The following SEMA6D variants were observed in gnomAD, a reference collection of about 807,000 sequenced individuals.
SEMA6D encodes semaphorin-6D.
Under a neutral mutation model 106.6 loss-of-function variants are expected in SEMA6D, and 35 were observed. That is an observed-to-expected ratio of 0.33 (90% CI 0.25 to 0.44). The LOEUF is 0.44. Ranked by LOEUF, SEMA6D falls within the 20% of genes least tolerant of loss-of-function variation. The pLI is 1.00. For missense variants in SEMA6D, 1,185 were observed against 1,345.9 expected, an observed-to-expected ratio of 0.88 and a Z score of 1.87; for synonymous variants, 499 against 487.7, an observed-to-expected ratio of 1.02 and a Z score of -0.31.
At chr15:47,206,565 G>A (rs1325481015) in intron 1 of SEMA6D, among the ~76,000 whole-genome samples, 1 of 152,018 alleles carries the variant, frequency 6.6e-6, no homozygotes, top group African/African-American at 2.4e-5. Flanking sequence ...TACCTGCAGC[G>A]TCGCATTTGC....
At chr15:47,634,412 A>C (rs12898202) in intron 4 of SEMA6D, among the ~76,000 whole-genome samples, 45,498 of 151,996 alleles carry the variant, frequency 0.3, 7,547 homozygotes, top group East Asian at 0.45. Context: ...GGGCTGAGTC[A>C]CACAACTTTG....
intron 1 of SEMA6D, among the ~76,000 whole-genome samples, chr15:47,294,269 C>T (rs932984743): frequency 1.4e-4 from 21 of 151,596 alleles, no homozygotes; most frequent in African/African-American, 4.8e-4. Flanking sequence ...CTTTCTCTGT[C>T]GCCCAGTGCA....
Position 47,768,739 on chromosome 15 carries a change from A to G in SEMA6D, c.1924A>G (p.Ile642Val), listed in dbSNP as rs1449963760. Residue 642 changes from isoleucine to valine, a missense_variant, in exon 18 of 19, where the codon ATC becomes GTC. This residue lies in a region of SEMA6D where 750 missense variants were observed against 783.5 expected (regional missense o/e 0.96). Coordinates refer to ENST00000536845, the MANE Select transcript of SEMA6D (RefSeq NM_001358351.3). ...TSDFTDPLSGIPKGVRWEVQS... is the reference protein window; with the variant it reads ...TSDFTDPLSGVPKGVRWEVQS... ...TGATTTTACTGATCCTTTATCGGGT[A>G]TCCCAAAGGGTAAGGCCTCAGCAGG... is the stretch of plus-strand genomic sequence containing the variant. 1 of 1,613,032 alleles carries G rather than the reference A, an allele frequency of 6.2e-7. No individual in the cohort carries two copies. The highest frequency in any genetic ancestry group is 1.1e-5 in the South Asian group (1 of 90,948).
rs182740205 is a variant in SEMA6D, at chr15:47,690,373, A to T, written c.-54-69372A>T. Among the ~76,000 whole-genome samples, 297 of 152,320 alleles carry T rather than the reference A, an allele frequency of 1.9e-3. 1 individual carries two copies. The highest frequency in any genetic ancestry group is 3.5e-3 in the Non-Finnish European group (236 of 68,030). Reference sequence around the variant, plus strand: ...AGATGGAAAAAAAACGCAAATATTAAGAGATATTATAGTTGTAAAATAGAC... The same window carrying T: ...AGATGGAAAAAAAACGCAAATATTATGAGATATTATAGTTGTAAAATAGAC... On this transcript the variant is annotated intron_variant, in intron 4 of 19. Transcript: ENST00000558014.
At chr15:47,363,656 G>A (rs1448346962) in intron 1 of SEMA6D, among the ~76,000 whole-genome samples, 3 of 152,126 alleles carry the variant, frequency 2.0e-5, no homozygotes, top group Non-Finnish European at 4.4e-5. Context: ...CAGTGACAAG[G>A]GCAAGGTAAA....
chr15:47,470,178 G>A (rs74011465), intron 2 of SEMA6D, among the ~76,000 whole-genome samples: 3,742 of 152,060 alleles, frequency 0.025, 144 homozygotes, highest in African/African-American at 0.076. Flanking sequence ...ACTTTGCTAC[G>A]GTGTGCCTTG....
chr15:47,348,699 ACACACACACACACACACAC>A, intron 1 of SEMA6D, among the ~76,000 whole-genome samples: 1 of 112,040 alleles, frequency 8.9e-6, no homozygotes, highest in South Asian at 3.1e-4. Flanking sequence ...ACACACACAC[ACACACACACACACACACAC>A]CACACACACA....
chr15:47,767,766 A>G (rs986324911), intron 17 of SEMA6D, among the ~76,000 whole-genome samples: 1 of 152,208 alleles, frequency 6.6e-6, no homozygotes, highest in Non-Finnish European at 1.5e-5. Context: ...GGGAAAATCT[A>G]TTTGGAGGAA....
At chr15:47,612,815 G>A (rs1258611547) in intron 4 of SEMA6D, among the ~76,000 whole-genome samples, 1 of 151,920 alleles carries the variant, frequency 6.6e-6, no homozygotes, top group African/African-American at 2.4e-5. Flanking sequence ...AAATAGGTGA[G>A]TTATTATAAA....
chr15:47,756,356 T>A (rs1483389522), intron 1 of SEMA6D, among the ~76,000 whole-genome samples: 1 of 152,138 alleles, frequency 6.6e-6, no homozygotes, highest in Non-Finnish European at 1.5e-5. Context: ...TCCACCTTTT[T>A]GCCAGACAAG....
chr15:47,254,331 G>GTATATATA lies in SEMA6D; in HGVS notation c.-239+69928_-239+69935dup, dbSNP rs3050479. On this transcript the variant is annotated intron_variant, in intron 1 of 19. Coordinates refer to the SEMA6D transcript ENST00000558014. The stretch of plus-strand genomic sequence containing the variant: ...TATATGTATATATATGTGTGTGTGT[G>GTATATATA]TATATATATATATATATATATAAAT... Among the ~76,000 whole-genome samples the GTATATATA allele has an allele frequency of 1.0e-3, 143 of 139,248 alleles. 2 individuals are homozygous for GTATATATA. The highest frequency in any genetic ancestry group is 1.3e-3 in the African/African-American group (48 of 38,110). The allele number at this position is 139,248 out of a possible 152,430, so 91.4% of individuals were successfully genotyped here.
At chr15:47,624,761 C>T (rs2077172310) in intron 4 of SEMA6D, among the ~76,000 whole-genome samples, 2 of 152,150 alleles carry the variant, frequency 1.3e-5, no homozygotes, top group South Asian at 2.1e-4. Flanking sequence ...TTCCCAGATG[C>T]ATTAAATGAG....
intron 1 of SEMA6D, among the ~76,000 whole-genome samples, chr15:47,323,041 T>A (rs2036985900): frequency 6.6e-6 from 1 of 152,248 alleles, no homozygotes; most frequent in Non-Finnish European, 1.5e-5. Flanking sequence ...AAATTCATAT[T>A]TATCAACTCA....
chr15:47,254,875 TTGTGTGTGTG>T (rs58271041), intron 1 of SEMA6D, among the ~76,000 whole-genome samples: 183 of 134,402 alleles, frequency 1.4e-3, no homozygotes, highest in Admixed American at 1.9e-3. Flanking sequence ...ACCTGTGGTT[TTGTGTGTGTG>T]TGTGTGTGTG....
At chr15:47,506,175 G>A (rs2044031546) in intron 3 of SEMA6D, among the ~76,000 whole-genome samples, 1 of 152,004 alleles carries the variant, frequency 6.6e-6, no homozygotes, top group African/African-American at 2.4e-5. Context: ...GTGTACTCTG[G>A]CCTCCAGGGA....
At chr15:47,597,335 C>G (rs902824475) in intron 3 of SEMA6D, among the ~76,000 whole-genome samples, 3 of 151,938 alleles carry the variant, frequency 2.0e-5, no homozygotes, top group Non-Finnish European at 1.5e-5. Flanking sequence ...AAAAACAGAA[C>G]GACAGTATGG....
At chr15:47,708,062 C>G (rs1278223880) in intron 4 of SEMA6D, among the ~76,000 whole-genome samples, 3 of 152,064 alleles carry the variant, frequency 2.0e-5, no homozygotes, top group African/African-American at 7.2e-5. Context: ...CTGTCCTGAC[C>G]CCTACATTAG....
intron 2 of SEMA6D, among the ~76,000 whole-genome samples, chr15:47,469,285 G>A (rs1248647436): frequency 6.7e-6 from 1 of 150,176 alleles, no homozygotes; most frequent in Non-Finnish European, 1.5e-5. Context: ...AATGCCTGAG[G>A]ACAGTTGCTT....
chr15:47,301,506 GT>G (rs1176813242), intron 1 of SEMA6D, among the ~76,000 whole-genome samples: 1 of 152,224 alleles, frequency 6.6e-6, no homozygotes, highest in Non-Finnish European at 1.5e-5. Context: ...CACCTTGGCT[GT>G]TTGTGAAGAG....
Sources: allele counts gnomAD v4.1 joint callset (sites outside exome capture counted in the v4.1 genomes callset), GRCh38; gene constraint gnomAD v4.1.1; regional missense constraint gnomAD v4.1.1; transcripts MANE v1.5; gene names NCBI Gene and HGNC (gene_info 2026-07-23, HGNC 2026-07-21).